Variants in CRACD observed in about 807,000 individuals in gnomAD.
The protein encoded by CRACD is capping protein inhibiting regulator of actin dynamics.
Under a neutral mutation model 106.8 loss-of-function variants are expected in CRACD, and 56 were observed. That is an observed-to-expected ratio of 0.52 (90% CI 0.42 to 0.66). The LOEUF (loss-of-function observed/expected upper bound fraction) is 0.66, where lower values mean the gene tolerates loss of function less well. CRACD is among the 30% of genes least tolerant of loss of function. CRACD has a pLI of 0.00. For missense variants in CRACD, 1,730 were observed against 1,623.2 expected (o/e 1.07, Z -1.13); for synonymous variants, 754 against 670.8 (o/e 1.12, Z -1.92).
intron 1 of CRACD, among the ~76,000 whole-genome samples, chr4:56,147,628 T>C (rs961227953): frequency 1.3e-5 from 2 of 152,224 alleles, no homozygotes; most frequent in African/African-American, 4.8e-5. Flanking sequence ...GGTGGACATA[T>C]GTTTTCATTT....
chr4:56,148,315 G>A (rs563370046), intron 1 of CRACD, among the ~76,000 whole-genome samples: 1 of 151,716 alleles, frequency 6.6e-6, no homozygotes, highest in Admixed American at 6.6e-5. Context: ...TCAGAGACAG[G>A]GTCTCCCTGT....
chr4:56,197,831 T>A (rs565228599), intron 2 of CRACD, among the ~76,000 whole-genome samples: 2 of 152,012 alleles, frequency 1.3e-5, no homozygotes, highest in Non-Finnish European at 2.9e-5. Flanking sequence ...GCACCCGCCA[T>A]CACGCCCGGC....
intron 2 of CRACD, among the ~76,000 whole-genome samples, chr4:56,189,707 G>A (rs1361414772): frequency 2.0e-5 from 3 of 150,846 alleles, no homozygotes; most frequent in African/African-American, 7.3e-5. Flanking sequence ...CTTCATCCAT[G>A]CCCCTACAAA....
At chr4:56,277,733 A>G (rs190521414) in intron 3 of CRACD, among the ~76,000 whole-genome samples, 151 of 152,320 alleles carry the variant, frequency 9.9e-4, no homozygotes, top group African/African-American at 3.5e-3. Flanking sequence ...TGCAGATGCC[A>G]TGATTGTATA....
chr4:56,324,582 C>T (rs1419054926), intron 10 of CRACD, among the ~76,000 whole-genome samples: 1 of 152,174 alleles, frequency 6.6e-6, no homozygotes, highest in Non-Finnish European at 1.5e-5. Flanking sequence ...AGCTATTATA[C>T]CAATATGATG....
chr4:56,280,064 G>A (rs1487749914), intron 3 of CRACD, among the ~76,000 whole-genome samples: 2 of 147,104 alleles, frequency 1.4e-5, no homozygotes, highest in East Asian at 2.0e-4. Flanking sequence ...AACACCGCAT[G>A]TTCTCACTCA....
At chr4:56,265,257 C>G (rs28689672) in intron 2 of CRACD, among the ~76,000 whole-genome samples, 3 of 152,018 alleles carry the variant, frequency 2.0e-5, no homozygotes, top group African/African-American at 7.3e-5. Context: ...TTCTCCTTAA[C>G]TTAGTAAAAT....
intron 2 of CRACD, among the ~76,000 whole-genome samples, chr4:56,267,243 C>A (rs1174548979): frequency 6.6e-6 from 1 of 151,950 alleles, no homozygotes; most frequent in Non-Finnish European, 1.5e-5. Flanking sequence ...GCCTCAGCCT[C>A]CCAAGTAGCT....
At chr4:56,320,989 C>T (rs1224094181) in intron 8 of CRACD, 1 of 188,108 alleles carries the variant, frequency 5.3e-6, no homozygotes, top group Admixed American at 5.1e-5. Context: ...ACGTCTTGTG[C>T]TTCTAAGAGA....
intron 1 of CRACD, among the ~76,000 whole-genome samples, chr4:56,066,390 C>T (rs2068805556): frequency 6.6e-6 from 1 of 152,070 alleles, no homozygotes; most frequent in African/African-American, 2.4e-5. Flanking sequence ...AGAAGCTTAT[C>T]TAAAATCACA....
intron 1 of CRACD, among the ~76,000 whole-genome samples, chr4:56,092,451 A>G (rs2109821780): frequency 6.6e-6 from 1 of 152,304 alleles, no homozygotes; most frequent in African/African-American, 2.4e-5. Flanking sequence ...AGCATTCTGT[A>G]AGTGTAAATT....
At chr4:56,281,583 G>A (rs537977667) in intron 3 of CRACD, among the ~76,000 whole-genome samples, 2 of 152,138 alleles carry the variant, frequency 1.3e-5, no homozygotes, top group African/African-American at 2.4e-5. Context: ...ATGACATTGC[G>A]CTATCTGCAA....
intron 2 of CRACD, among the ~76,000 whole-genome samples, chr4:56,237,657 C>T (rs1740054821): frequency 1.3e-5 from 2 of 151,522 alleles, no homozygotes; most frequent in South Asian, 2.1e-4. Context: ...TTTTTGTAAA[C>T]TCTCTAGGTG....
At chr4:56,254,834 G>T (rs1458934936) in intron 2 of CRACD, among the ~76,000 whole-genome samples, 3 of 151,706 alleles carry the variant, frequency 2.0e-5, no homozygotes, top group Non-Finnish European at 4.4e-5. Context: ...GCTGGCCGCG[G>T]TGGCTCACGC....
intron 1 of CRACD, among the ~76,000 whole-genome samples, chr4:56,137,146 C>T (rs1735029464): frequency 6.6e-6 from 1 of 152,000 alleles, no homozygotes; most frequent in African/African-American, 2.4e-5. Flanking sequence ...TTTTTCAGCT[C>T]ACATCAGGCA....
chr4:56,234,140 A>G (rs779947735), intron 2 of CRACD, among the ~76,000 whole-genome samples: 1 of 152,108 alleles, frequency 6.6e-6, no homozygotes, highest in Non-Finnish European at 1.5e-5. Flanking sequence ...TAAAGTATAC[A>G]ACTCAGTGTT....
At chr4:56,264,846 T>A (rs1279083295) in intron 2 of CRACD, among the ~76,000 whole-genome samples, 2 of 152,224 alleles carry the variant, frequency 1.3e-5, no homozygotes, top group Non-Finnish European at 2.9e-5. Context: ...ATCTTCACAA[T>A]TTATGTTCTT....
At chr4:56,077,523 A>C (rs1732885574) in intron 1 of CRACD, among the ~76,000 whole-genome samples, 1 of 152,232 alleles carries the variant, frequency 6.6e-6, no homozygotes, top group Non-Finnish European at 1.5e-5. Flanking sequence ...TGTAAGTCCA[A>C]GTCTTCTGTA....
At chr4:56,242,752 C>T (rs1740440588) in intron 2 of CRACD, among the ~76,000 whole-genome samples, 1 of 152,154 alleles carries the variant, frequency 6.6e-6, no homozygotes, top group Non-Finnish European at 1.5e-5. Flanking sequence ...TAAGCCTCCT[C>T]TGCCACTGCA....
Sources: allele counts gnomAD v4.1 joint callset (sites outside exome capture counted in the v4.1 genomes callset), GRCh38; gene constraint gnomAD v4.1.1; transcripts MANE v1.5; gene names NCBI Gene and HGNC (gene_info 2026-07-23, HGNC 2026-07-21).